The following PRR16 variants were observed in gnomAD, a reference collection of about 807,000 sequenced individuals.
The protein encoded by PRR16 is protein Largen.
In PRR16, 6 loss-of-function variants were observed where a neutral mutation model predicts 18.2. The ratio of observed to expected loss-of-function variants is 0.33; its 90% CI spans 0.18 to 0.65. The LOEUF (loss-of-function observed/expected upper bound fraction) is 0.65, where lower values mean the gene tolerates loss of function less well. Ranked by LOEUF, PRR16 falls within the 30% of genes least tolerant of loss-of-function variation. The pLI, the probability that PRR16 is intolerant of heterozygous loss-of-function variation, is 0.74. For missense variants in PRR16, 412 were observed against 376.6 expected, an observed-to-expected ratio of 1.09 and a Z score of -0.78; for synonymous variants, 151 against 147.8, an observed-to-expected ratio of 1.02 and a Z score of -0.16.
chr5:120,560,327 T>C (rs1752536926), intron 1 of PRR16, among the ~76,000 whole-genome samples: 1 of 152,018 alleles, frequency 6.6e-6, no homozygotes, highest in South Asian at 2.1e-4. Flanking sequence ...ACCCAGTTTC[T>C]TAAGGGTTTT....
intron 1 of PRR16, among the ~76,000 whole-genome samples, chr5:120,604,644 G>A (rs1325731443): frequency 6.6e-6 from 1 of 152,092 alleles, no homozygotes; most frequent in Non-Finnish European, 1.5e-5. Flanking sequence ...TATAGTGTCA[G>A]TGGGGTATGT....
chr5:120,706,735 A>G, the PRR16 span, among the ~76,000 whole-genome samples: 1 of 151,902 alleles, frequency 6.6e-6, no homozygotes, highest in Non-Finnish European at 1.5e-5. Context: ...TAAACAGACA[A>G]GAAAGATTTT....
chr5:120,740,380 AAAG>A, the PRR16 span, among the ~76,000 whole-genome samples: 3 of 147,828 alleles, frequency 2.0e-5, no homozygotes, highest in African/African-American at 7.9e-5. Context: ...TATGGCTAAA[AAAG>A]ACTACTTCCA....
chr5:120,643,204 A>G (rs1242448178), intron 1 of PRR16, among the ~76,000 whole-genome samples: 2 of 152,072 alleles, frequency 1.3e-5, no homozygotes, highest in African/African-American at 4.8e-5. Context: ...AAAACAAAAC[A>G]AAACTCTATC....
At chr5:120,575,199 G>C (rs1753033467) in intron 1 of PRR16, among the ~76,000 whole-genome samples, 1 of 151,960 alleles carries the variant, frequency 6.6e-6, no homozygotes, top group Non-Finnish European at 1.5e-5. Context: ...GGGGATCTTG[G>C]AACATGGATA....
chr5:120,678,110 C>T (rs547012602), intron 1 of PRR16, among the ~76,000 whole-genome samples: 19 of 152,100 alleles, frequency 1.2e-4, no homozygotes, highest in African/African-American at 3.9e-4. Flanking sequence ...GGCGTTTAGC[C>T]GTGTTAGCCA....
In PRR16 at chr5:120,686,746, A is replaced by G. The variant is rs1757142136; in HGVS notation, c.*37A>G. 2 of 1,365,446 alleles carry G rather than the reference A, an allele frequency of 1.5e-6. No homozygotes were observed. The highest frequency in any genetic ancestry group is 1.9e-6 in the Non-Finnish European group (2 of 1,039,326). 84.6% of individuals were successfully genotyped at this position (1,365,446 alleles called of 1,614,324 possible). On this transcript the variant is annotated 3_prime_UTR_variant, in exon 2 of 2. Coordinates refer to ENST00000407149, the MANE Select transcript of PRR16 (RefSeq NM_001300783.2). ...AAAAAAATTGTTTTTTTAATTTTCT[A>G]TATTATAAACATAAAATAAGTAATG...
the PRR16 span, among the ~76,000 whole-genome samples, chr5:120,736,248 C>A: frequency 6.6e-6 from 1 of 152,190 alleles, no homozygotes; most frequent in East Asian, 1.9e-4. Flanking sequence ...AAGAAGGAAG[C>A]GTGAGACCTC....
chr5:120,780,344 A>G, the PRR16 span, among the ~76,000 whole-genome samples: 57 of 152,324 alleles, frequency 3.7e-4, no homozygotes, highest in African/African-American at 1.3e-3. Flanking sequence ...CTGTAGAAGG[A>G]GTACTGTGTA....
the PRR16 span, among the ~76,000 whole-genome samples, chr5:120,778,858 T>C: frequency 6.6e-6 from 1 of 152,204 alleles, no homozygotes; most frequent in East Asian, 1.9e-4. Flanking sequence ...GCTTGTCTAA[T>C]GCATTTTATG....
chr5:120,528,802 C>T (rs891321712), intron 1 of PRR16, among the ~76,000 whole-genome samples: 1 of 152,102 alleles, frequency 6.6e-6, no homozygotes, highest in Admixed American at 6.5e-5. Flanking sequence ...AACACCCACA[C>T]GCTGAATGGG....
intron 1 of PRR16, among the ~76,000 whole-genome samples, chr5:120,622,299 T>G (rs1029050558): frequency 6.6e-6 from 1 of 152,108 alleles, no homozygotes; most frequent in Non-Finnish European, 1.5e-5. Flanking sequence ...CTACAGTTAG[T>G]TCTTGTTTTC....
chr5:120,545,621 A>G (rs1752051567), intron 1 of PRR16, among the ~76,000 whole-genome samples: 1 of 152,030 alleles, frequency 6.6e-6, no homozygotes, highest in Non-Finnish European at 1.5e-5. Flanking sequence ...TGCATGGTGT[A>G]TTTTATAATT....
chr5:120,700,203 G>C, the PRR16 span, among the ~76,000 whole-genome samples: 2 of 152,138 alleles, frequency 1.3e-5, no homozygotes, highest in Non-Finnish European at 2.9e-5. Flanking sequence ...AACTTGTAAG[G>C]CTTGTCTGGT....
At chr5:120,737,635 CTT>C in the PRR16 span, among the ~76,000 whole-genome samples, 3 of 148,804 alleles carry the variant, frequency 2.0e-5, no homozygotes, top group East Asian at 5.9e-4. Flanking sequence ...TTAGTTTTTT[CTT>C]TCTTTCTTTT....
intron 1 of PRR16, among the ~76,000 whole-genome samples, chr5:120,530,254 A>AAT (rs3047950): frequency 0.02 from 2,107 of 106,620 alleles, 58 homozygotes; most frequent in East Asian, 0.063. Context: ...AGTGTGTGTA[A>AAT]ATATATATAT....
the PRR16 span, among the ~76,000 whole-genome samples, chr5:120,706,880 T>G: frequency 6.6e-6 from 1 of 152,216 alleles, no homozygotes; most frequent in Non-Finnish European, 1.5e-5. Context: ...TCAATGTGAT[T>G]AGGTCATCTG....
intron 1 of PRR16, among the ~76,000 whole-genome samples, chr5:120,555,420 C>A (rs892439895): frequency 1.3e-5 from 2 of 151,986 alleles, no homozygotes; most frequent in Middle Eastern, 3.4e-3. Context: ...AGTTCCAAGT[C>A]AAGGTGCTGG....
chr5:120,572,677 A>C (rs1049824595), intron 1 of PRR16, among the ~76,000 whole-genome samples: 3 of 152,158 alleles, frequency 2.0e-5, no homozygotes, highest in East Asian at 3.9e-4. Flanking sequence ...TGAGAGATCT[A>C]CTTACTGTGC....
Sources: allele counts gnomAD v4.1 joint callset (sites outside exome capture counted in the v4.1 genomes callset), GRCh38; gene constraint gnomAD v4.1.1; transcripts MANE v1.5; gene names NCBI Gene and HGNC (gene_info 2026-07-23, HGNC 2026-07-21).